The following SCRG1 variants were observed in gnomAD, a reference collection of about 807,000 sequenced individuals.
The protein encoded by SCRG1 is scrapie-responsive protein 1.
Under a neutral mutation model 7.7 loss-of-function variants are expected in SCRG1, and 3 were observed. The observed-to-expected ratio is 0.39, with a 90% CI of 0.18 to 1.01. The LOEUF is 1.01. Among genes scored for constraint, SCRG1 ranks in the 50% least tolerant of loss-of-function variants. SCRG1 has a pLI of 0.36. For synonymous variants in SCRG1, 46 were observed against 41.2 expected (o/e 1.12, Z -0.44); for missense variants, 110 against 117.2 (o/e 0.94, Z 0.28).
At chr4:173,507,683 T>C in the SCRG1 span, among the ~76,000 whole-genome samples, 1 of 152,002 alleles carries the variant, frequency 6.6e-6, no homozygotes, top group Non-Finnish European at 1.5e-5. This position sits in a 1 kb window ranked among gnomAD's most constrained non-coding sequence, Gnocchi z 4.4. Flanking sequence ...CCATCAACTC[T>C]GGAGGCCGAT....
the SCRG1 span, among the ~76,000 whole-genome samples, chr4:173,517,657 C>A: frequency 6.6e-6 from 1 of 152,170 alleles, no homozygotes; most frequent in Admixed American, 6.5e-5. Flanking sequence ...GGTCCCATCT[C>A]TTTTCTTTTA....
chr4:173,509,649 C>A, the SCRG1 span, among the ~76,000 whole-genome samples: 17 of 152,156 alleles, frequency 1.1e-4, no homozygotes, highest in African/African-American at 3.4e-4. The surrounding 1 kb of genome is among the most constrained non-coding windows in gnomAD (Gnocchi z 5.7). Flanking sequence ...GGCCGGAACC[C>A]GCTCCTGGGC....
chr4:173,392,375 T>C (rs919260564), intron 1 of SCRG1, among the ~76,000 whole-genome samples: 2 of 152,218 alleles, frequency 1.3e-5, no homozygotes, highest in Non-Finnish European at 2.9e-5. Flanking sequence ...TAGCCTTCCA[T>C]GAACTCCTAC....
chr4:173,480,945 T>C, the SCRG1 span, among the ~76,000 whole-genome samples: 2 of 152,142 alleles, frequency 1.3e-5, no homozygotes, highest in Admixed American at 6.5e-5. Flanking sequence ...AACATTTTTA[T>C]GATAAAAAGG....
chr4:173,467,235 G>GA, the SCRG1 span, among the ~76,000 whole-genome samples: 144,608 of 151,396 alleles, frequency 0.96, 69,268 homozygotes, highest in East Asian at 1. Context: ...CAGTCCATTG[G>GA]AAAAAAAAAG....
At chr4:173,483,922 T>A in the SCRG1 span, among the ~76,000 whole-genome samples, 1 of 102,054 alleles carries the variant, frequency 9.8e-6, no homozygotes, top group Admixed American at 1.5e-4. Context: ...ATATATGTTA[T>A]ATATTTCATA....
At chr4:173,474,429 A>G in the SCRG1 span, among the ~76,000 whole-genome samples, 1 of 152,212 alleles carries the variant, frequency 6.6e-6, no homozygotes, top group African/African-American at 2.4e-5. Context: ...GAACATCAGA[A>G]AGTTATGAAA....
At chr4:173,507,580 C>A in the SCRG1 span, among the ~76,000 whole-genome samples, 1 of 152,150 alleles carries the variant, frequency 6.6e-6, no homozygotes, top group Non-Finnish European at 1.5e-5. This position sits in a 1 kb window ranked among gnomAD's most constrained non-coding sequence, Gnocchi z 4.4. Context: ...CAAGCTCTTT[C>A]TTCCCACATC....
At chr4:173,454,108 A>G in the SCRG1 span, among the ~76,000 whole-genome samples, 6,009 of 147,680 alleles carry the variant, frequency 0.041, 438 homozygotes, top group African/African-American at 0.14. Context: ...TGACCACTGG[A>G]GGCTGTGCGA....
Position 173,388,098 on chromosome 4 carries a change from C to T in SCRG1, c.*243G>A, listed in dbSNP as rs746155766. 2 of 436,014 alleles carry T rather than the reference C, an allele frequency of 4.6e-6. No individual in the cohort carries two copies. Among genetic ancestry groups the T allele is most frequent in the Admixed American group, 4.3e-5 (1 of 23,364 alleles). 27.0% of individuals were successfully genotyped at this position (436,014 alleles called of 1,614,324 possible). A position where few individuals can be genotyped will look rare whatever the true frequency, so the allele number is the denominator to read the frequency against. ...ACTCTTTAACTGAGTATAATGAACA[C>T]CTCATAGATTACATTTTCTAGGCAA... On this transcript the variant is annotated 3_prime_UTR_variant, in exon 3 of 3. Coordinates refer to ENST00000296506, the MANE Select transcript of SCRG1 (RefSeq NM_007281.4).
At chr4:173,482,968 T>C in the SCRG1 span, among the ~76,000 whole-genome samples, 1 of 133,224 alleles carries the variant, frequency 7.5e-6, no homozygotes, top group Non-Finnish European at 1.5e-5. Flanking sequence ...ACATATTGTA[T>C]ATATAATATA....
the SCRG1 span, among the ~76,000 whole-genome samples, chr4:173,434,213 G>T: frequency 6.6e-6 from 1 of 152,136 alleles, no homozygotes; most frequent in Non-Finnish European, 1.5e-5. Flanking sequence ...TCAAATGTTA[G>T]AAATTTAAGG....
the SCRG1 span, among the ~76,000 whole-genome samples, chr4:173,519,017 C>T: frequency 6.6e-6 from 1 of 151,906 alleles, no homozygotes; most frequent in Non-Finnish European, 1.5e-5. Flanking sequence ...GTGTAGTCGG[C>T]GTGGCGCTGT....
the SCRG1 span, among the ~76,000 whole-genome samples, chr4:173,515,428 A>AC: frequency 6.6e-6 from 1 of 152,058 alleles, no homozygotes; most frequent in East Asian, 1.9e-4. The surrounding 1 kb of genome is among the most constrained non-coding windows in gnomAD (Gnocchi z 4.6). Flanking sequence ...GTGCTAAAAA[A>AC]AAAAAACTTT....
the SCRG1 span, among the ~76,000 whole-genome samples, chr4:173,484,087 A>G: frequency 1.0e-4 from 7 of 69,674 alleles, no homozygotes; most frequent in African/African-American, 4.5e-4. Flanking sequence ...TATAATATAT[A>G]ATATACCATA....
At chr4:173,422,199 C>T in the SCRG1 span, among the ~76,000 whole-genome samples, 1 of 152,266 alleles carries the variant, frequency 6.6e-6, no homozygotes, top group Middle Eastern at 3.4e-3. Flanking sequence ...CAGGATCTGG[C>T]AAATCAAAAA....
At chr4:173,413,190 A>C in the SCRG1 span, among the ~76,000 whole-genome samples, 1 of 152,262 alleles carries the variant, frequency 6.6e-6, no homozygotes, top group East Asian at 1.9e-4. Context: ...CATTTCCTGG[A>C]GCCTACAGCT....
chr4:173,505,199 C>T, the SCRG1 span, among the ~76,000 whole-genome samples: 1 of 152,184 alleles, frequency 6.6e-6, no homozygotes, highest in Non-Finnish European at 1.5e-5. The surrounding 1 kb of genome is among the most constrained non-coding windows in gnomAD (Gnocchi z 4.4). Flanking sequence ...ATGCACCTGA[C>T]ACCCCCTAGA....
the SCRG1 span, among the ~76,000 whole-genome samples, chr4:173,421,640 A>G: frequency 6.6e-6 from 1 of 152,202 alleles, no homozygotes; most frequent in South Asian, 2.1e-4. Context: ...TCATTACATA[A>G]TTCCTACCTT....
Sources: gnomAD v4.1 joint callset for allele counts (sites outside exome capture counted in the v4.1 genomes callset) on GRCh38, gnomAD v4.1.1 for gene constraint, Gnocchi (gnomAD v3.1) non-coding constraint, MANE v1.5 for transcripts, NCBI Gene and HGNC (gene_info 2026-07-23, HGNC 2026-07-21) for gene names.